The following ASTN2 variants were observed in gnomAD, a reference collection of about 807,000 sequenced individuals.
The protein encoded by ASTN2 is astrotactin-2.
ASTN2 carries 54 observed loss-of-function variants against 139.8 expected under a neutral mutation model. That is an observed-to-expected ratio of 0.39 (90% confidence interval 0.31 to 0.48). The LOEUF (loss-of-function observed/expected upper bound fraction) is 0.48, where lower values mean the gene tolerates loss of function less well. ASTN2 is among the 20% of genes least tolerant of loss of function. ASTN2 has a pLI of 0.95. For missense variants in ASTN2, 1,565 were observed against 1,725.1 expected, an observed-to-expected ratio of 0.91 and a Z score of 1.64; for synonymous variants, 756 against 719.5, an observed-to-expected ratio of 1.05 and a Z score of -0.81.
At chr9:116,628,362 G>A (rs1268063063) in intron 17 of ASTN2, among the ~76,000 whole-genome samples, 1 of 152,098 alleles carries the variant, frequency 6.6e-6, no homozygotes. Context: ...TCCCCTCCTT[G>A]GGTCTTTCTT....
At chr9:116,741,481 T>G (rs1052539453) in intron 13 of ASTN2, among the ~76,000 whole-genome samples, 1 of 152,154 alleles carries the variant, frequency 6.6e-6, no homozygotes, top group South Asian at 2.1e-4. Context: ...ACACTGTGCC[T>G]CATCCCCCCT....
At chr9:117,223,506 G>C (rs1489428049) in intron 2 of ASTN2, among the ~76,000 whole-genome samples, 1 of 152,156 alleles carries the variant, frequency 6.6e-6, no homozygotes, top group Non-Finnish European at 1.5e-5. Context: ...TGTGTCTATT[G>C]GTGGGGAAGG....
intron 20 of ASTN2, among the ~76,000 whole-genome samples, chr9:116,449,276 C>G (rs984392570): frequency 6.6e-6 from 1 of 152,082 alleles, no homozygotes; most frequent in South Asian, 2.1e-4. Context: ...CATGGTGGTA[C>G]ACACTGGTAG....
chr9:117,107,662 C>T (rs1284707895), intron 4 of ASTN2, among the ~76,000 whole-genome samples: 1 of 152,160 alleles, frequency 6.6e-6, no homozygotes, highest in Non-Finnish European at 1.5e-5. Flanking sequence ...ACTACACCTC[C>T]CTCTCTCTGA....
In ASTN2 at chr9:116,975,315, C is replaced by A. The variant is rs1214576091; in HGVS notation, c.1782G>T (p.Trp594Cys). 1 of 1,612,970 alleles carries A rather than the reference C, an allele frequency of 6.2e-7. No homozygotes were observed. The highest frequency in any genetic ancestry group is 8.5e-7 in the Non-Finnish European group (1 of 1,179,450). Residue 594 changes from tryptophan to cysteine, a missense_variant, in exon 10 of 23, where the codon TGG becomes TGT. Physicochemically the swap from Trp to Cys is radical, Grantham distance 215 (BLOSUM62 -2). Transcript: ENST00000313400. Reference sequence around the variant, plus strand: ...CCACAAAGCTTTTGCTGACAGGAAGCCAGAGGCCTTGGCCCAAGCTGAAAG... The same window carrying A: ...CCACAAAGCTTTTGCTGACAGGAAGACAGAGGCCTTGGCCCAAGCTGAAAG... ...RSTFSLGQGL[W>C]LPVSKSFVVP...
intron 4 of ASTN2, among the ~76,000 whole-genome samples, chr9:117,128,252 T>TA (rs1370936372): frequency 6.6e-6 from 1 of 151,666 alleles, no homozygotes; most frequent in African/African-American, 2.4e-5. Flanking sequence ...TGTGTGCCTG[T>TA]AGTCCCAGCT....
intron 1 of ASTN2, among the ~76,000 whole-genome samples, chr9:117,315,802 C>T (rs866106252): frequency 3.9e-5 from 6 of 152,238 alleles, no homozygotes; most frequent in Middle Eastern, 3.4e-3. Context: ...AGTGGGAGCA[C>T]TCCACAATAA....
chr9:116,846,559 T>C (rs957192762), intron 11 of ASTN2, among the ~76,000 whole-genome samples: 1 of 152,162 alleles, frequency 6.6e-6, no homozygotes, highest in Non-Finnish European at 1.5e-5. Context: ...TGGCTGGGTT[T>C]GCTCACACAC....
At chr9:116,787,856 T>C (rs1055545220) in intron 13 of ASTN2, among the ~76,000 whole-genome samples, 14 of 152,186 alleles carry the variant, frequency 9.2e-5, no homozygotes, top group Non-Finnish European at 2.9e-5. Flanking sequence ...GTAATAATAA[T>C]GTATCAATAT....
rs535628258 is a variant in ASTN2, at chr9:116,838,934, A to G, written c.2041-18151T>C. Among the ~76,000 whole-genome samples, 67 of 152,308 alleles carry G rather than the reference A, an allele frequency of 4.4e-4. 2 individuals are homozygous for G. The highest frequency in any genetic ancestry group is 4.2e-3 in the Admixed American group (64 of 15,300). ...AGAGGAAAATGGGGAATTTTCTTGG[A>G]ATTGATTGAACATGTTTTAAGACAT... On this transcript the variant is annotated intron_variant, in intron 11 of 22. Transcript: ENST00000313400.
chr9:116,617,691 T>C (rs1359404264), intron 19 of ASTN2, among the ~76,000 whole-genome samples: 1 of 152,242 alleles, frequency 6.6e-6, no homozygotes, highest in Admixed American at 6.5e-5. Flanking sequence ...TGATGTTTTC[T>C]AGCTGGAAAA....
chr9:116,744,826 T>C (rs1193673858), intron 13 of ASTN2, among the ~76,000 whole-genome samples: 2 of 152,184 alleles, frequency 1.3e-5, no homozygotes, highest in African/African-American at 4.8e-5. Flanking sequence ...ACATATGTCC[T>C]CGGCCTCCTT....
intron 5 of ASTN2, among the ~76,000 whole-genome samples, chr9:117,059,201 T>A (rs1164389002): frequency 6.6e-6 from 1 of 152,134 alleles, no homozygotes; most frequent in African/African-American, 2.4e-5. Flanking sequence ...ATGAATCAGA[T>A]CTTCTAGGAA....
chr9:116,928,561 C>T (rs1834819841), intron 10 of ASTN2, among the ~76,000 whole-genome samples: 1 of 152,060 alleles, frequency 6.6e-6, no homozygotes. Flanking sequence ...CTGGGCACTG[C>T]TTTGGAGCAA....
intron 11 of ASTN2, among the ~76,000 whole-genome samples, chr9:116,850,095 G>A (rs1043495154): frequency 7.2e-5 from 11 of 152,246 alleles, no homozygotes; most frequent in African/African-American, 1.9e-4. Flanking sequence ...TTCTGGGGAC[G>A]GACGTGGGTG....
intron 19 of ASTN2, among the ~76,000 whole-genome samples, chr9:116,554,808 C>A (rs958741868): frequency 6.0e-5 from 9 of 151,118 alleles, no homozygotes; most frequent in African/African-American, 2.2e-4. Flanking sequence ...TGATTTTAAC[C>A]AAAAATAAAA....
intron 10 of ASTN2, among the ~76,000 whole-genome samples, chr9:116,872,442 G>C (rs1429310422): frequency 6.6e-6 from 1 of 152,132 alleles, no homozygotes; most frequent in Non-Finnish European, 1.5e-5. Context: ...GTAGGAGAAG[G>C]GATGAAAGAT....
chr9:117,254,113 C>T (rs540555453), intron 2 of ASTN2, among the ~76,000 whole-genome samples: 1 of 152,224 alleles, frequency 6.6e-6, no homozygotes, highest in East Asian at 1.9e-4. Context: ...GCAAATGACT[C>T]CAACTATGCG....
chr9:116,570,755 G>T lies in ASTN2; in HGVS notation c.3355+47569C>A, dbSNP rs1339984761. 2.6e-5 allele frequency among the ~76,000 whole-genome samples: 4 copies of T among 152,234 alleles called. No homozygotes were observed. In the East Asian group the frequency reaches 7.7e-4, roughly 29 times the overall value. ...TTGATCTGGGCCAGGATGGTTGCTT[G>T]AGAAAGTGTGCTCATCTGAATCTGT... is the stretch of plus-strand genomic sequence containing the variant. On this transcript the variant is annotated intron_variant, in intron 19 of 22. Transcript: ENST00000313400.
Sources: gnomAD v4.1 joint callset for allele counts (sites outside exome capture counted in the v4.1 genomes callset) on GRCh38, gnomAD v4.1.1 for gene constraint, MANE v1.5 for transcripts, NCBI Gene and HGNC (gene_info 2026-07-23, HGNC 2026-07-21) for gene names.